NUP54: variants seen among roughly 807,000 people sequenced by gnomAD.
NUP54 encodes nucleoporin 54, also known as nucleoporin p54.
In NUP54, 27 loss-of-function variants were observed where a neutral mutation model predicts 66.4. That is an observed-to-expected ratio of 0.41 (90% CI 0.30 to 0.56). NUP54 has a LOEUF of 0.56. NUP54 is among the 20% of genes least tolerant of loss of function. NUP54 has a pLI of 0.34. For missense variants in NUP54, 486 were observed against 596.3 expected (o/e 0.82, Z 1.93); for synonymous variants, 206 against 210.7 (o/e 0.98, Z 0.19).
chr4:76,131,369 C>A, intron 6 of NUP54, 85 bp from the exon 7 acceptor site: 1 of 724,126 alleles, frequency 1.4e-6, no homozygotes, highest in South Asian at 1.9e-5. Context: ...AAAGCAAGAC[C>A]CTATACCTAG....
chr4:76,141,044 T>G (rs1443256444), intron 3 of NUP54, among the ~76,000 whole-genome samples: 1 of 152,202 alleles, frequency 6.6e-6, no homozygotes, highest in Non-Finnish European at 1.5e-5. Context: ...TGGAAAGGAC[T>G]TCTGGCGGTT....
intron 4 of NUP54, among the ~76,000 whole-genome samples, chr4:76,135,371 A>C (rs1407209782): frequency 6.6e-6 from 1 of 152,242 alleles, no homozygotes; most frequent in Non-Finnish European, 1.5e-5. Flanking sequence ...ACCATGTTAT[A>C]CACCAACTTT....
At chr4:76,131,078 C>G (rs907643831) in intron 7 of NUP54, 152 bp downstream of exon 7, 5 of 644,080 alleles carry the variant, frequency 7.8e-6, no homozygotes, top group Non-Finnish European at 5.5e-6. Flanking sequence ...TTGGCTGAAG[C>G]TTTAGCTGGA....
intron 10 of NUP54, 124 bp downstream of exon 10, chr4:76,117,951 A>T: frequency 2.7e-6 from 3 of 1,098,554 alleles, no homozygotes; most frequent in Non-Finnish European, 4.0e-6. Flanking sequence ...TTACTTTAGA[A>T]AGGAAGTTCT....
At chr4:76,121,919 C>A (rs965017714) in intron 9 of NUP54, among the ~76,000 whole-genome samples, 1 of 152,118 alleles carries the variant, frequency 6.6e-6, no homozygotes, top group Non-Finnish European at 1.5e-5. Context: ...AAAAATAGAT[C>A]ACTTAATCAT....
chr4:76,134,514 T>C (rs927608761), intron 4 of NUP54, 152 bp from the exon 5 acceptor site: 4 of 655,920 alleles, frequency 6.1e-6, no homozygotes, highest in Admixed American at 3.2e-5. Flanking sequence ...TTTTGTGCCC[T>C]AGGAGGTCAC....
chr4:76,148,163 G>A, intron 1 of NUP54, 145 bp downstream of exon 1: 1 of 636,486 alleles, frequency 1.6e-6, no homozygotes. Context: ...GGCCCACTCT[G>A]CCGCCGCCCG....
intron 8 of NUP54, among the ~76,000 whole-genome samples, chr4:76,128,605 C>G (rs960794551): frequency 6.6e-6 from 1 of 152,100 alleles, no homozygotes; most frequent in African/African-American, 2.4e-5. Flanking sequence ...CACTTTTTAT[C>G]AAAAGAAAGG....
chr4:76,144,864 G>A (rs1304079935), intron 1 of NUP54, among the ~76,000 whole-genome samples: 2 of 152,154 alleles, frequency 1.3e-5, no homozygotes, highest in African/African-American at 2.4e-5. Flanking sequence ...GAGTAAAGTA[G>A]ACTATGTGTT....
chr4:76,129,901 T>TA (rs1730716795), intron 8 of NUP54, among the ~76,000 whole-genome samples: 2 of 136,276 alleles, frequency 1.5e-5, no homozygotes, highest in Non-Finnish European at 3.1e-5. Context: ...TTAGCAAAGT[T>TA]AAAAGAATTG....
intron 9 of NUP54, 183 bp from the exon 10 acceptor site, chr4:76,118,377 A>C: frequency 3.4e-6 from 2 of 589,646 alleles, no homozygotes; most frequent in Non-Finnish European, 6.0e-6. Context: ...ATATAAATAC[A>C]ATGATATAGA....
At position 76,132,529 on chromosome 4, in the gene NUP54, G is replaced by A. The variant is rs774532856; in HGVS notation, c.901C>T (p.Pro301Ser). 1.3e-6 allele frequency: 2 copies of A among 1,586,750 alleles called. No homozygotes were observed. Among genetic ancestry groups the A allele is most frequent in the Non-Finnish European group, 8.6e-7 (1 of 1,166,692 alleles). Residue 301 changes from proline to serine, a missense_variant, in exon 6 of 12, where the codon CCT (proline) becomes TCT (serine). Physicochemically the swap from Pro to Ser is moderately conservative, Grantham distance 74. This residue lies in a region of NUP54 where 217 missense variants were observed against 247.9 expected (regional missense o/e 0.88). Coordinates refer to ENST00000264883, the MANE Select transcript of NUP54 (RefSeq NM_017426.4). ...AQIKQLLQNP[P>S]AGVDPIIWEQ... The stretch of plus-strand genomic sequence containing the variant: ...TGTGATTCTAGAAACATACCAGCAG[G>A]AGGATTCTGTAAAAGCTGTTTGATC...
In NUP54 at chr4:76,117,519, C is replaced by A. The variant is rs1730002661; in HGVS notation, c.1395+145G>T. ...ACACTGTTTTCCATAGAGGCTGAACCATTTTACATTCCCCCAACAGTGCAA... is the reference window on the plus strand; with the variant it reads ...ACACTGTTTTCCATAGAGGCTGAACAATTTTACATTCCCCCAACAGTGCAA... On this transcript the variant is annotated intron_variant, in intron 11 of 11. Coordinates refer to ENST00000264883, the MANE Select transcript of NUP54 (RefSeq NM_017426.4). 1.1e-5 allele frequency: 6 copies of A among 570,422 alleles called. No individual in the cohort carries two copies. The South Asian group carries it at 1.5e-4, about 14-fold the overall frequency. The allele number at this position is 570,422 out of a possible 1,614,324, so 35.3% of individuals were successfully genotyped here.
intron 8 of NUP54, among the ~76,000 whole-genome samples, chr4:76,126,284 C>G (rs939912137): frequency 1.3e-5 from 2 of 152,182 alleles, no homozygotes; most frequent in Non-Finnish European, 2.9e-5. Flanking sequence ...ATTAAAGCAT[C>G]CCAATCAGAA....
chr4:76,135,093 A>G (rs1027766686), intron 4 of NUP54, among the ~76,000 whole-genome samples: 3 of 152,144 alleles, frequency 2.0e-5, no homozygotes, highest in African/African-American at 4.8e-5. Context: ...TTAAATATAT[A>G]AAGAAGTAAT....
Position 76,131,290 on chromosome 4 carries a change from A to C in NUP54, c.908-6T>G, listed in dbSNP as rs2081628241. 4 of 1,552,802 alleles carry C rather than the reference A, an allele frequency of 2.6e-6. No individual in the cohort carries two copies. Among genetic ancestry groups the C allele is most frequent in the Non-Finnish European group, 3.5e-6 (4 of 1,139,958 alleles). On this transcript the variant is annotated splice_region_variant and splice_polypyrimidine_tract_variant and intron_variant, in intron 6 of 11. Coordinates refer to ENST00000264883, the MANE Select transcript of NUP54 (RefSeq NM_017426.4). Reference sequence around the variant, plus strand: ...CCAGATAATAGGATCAACACCTACCACAAATAAAAAATATTTTTTCTAAAA... The same window carrying C: ...CCAGATAATAGGATCAACACCTACCCCAAATAAAAAATATTTTTTCTAAAA...
At chr4:76,148,078 G>A (rs904577598) in intron 1 of NUP54, 1 of 420,732 alleles carries the variant, frequency 2.4e-6, no homozygotes, top group Admixed American at 4.2e-5. Flanking sequence ...CCAGGGCCCT[G>A]TGGAAACTCA....
chr4:76,125,663 GGGGAGAGA>G (rs1560678895), intron 8 of NUP54, among the ~76,000 whole-genome samples: 1 of 19,990 alleles, frequency 5.0e-5, no homozygotes, highest in African/African-American at 2.8e-4. Context: ...AGGGAGAGAG[GGGGAGAGA>G]GGGAGAGAGG....
At chr4:76,141,840 A>C (rs969149554) in intron 3 of NUP54, among the ~76,000 whole-genome samples, 15 of 152,204 alleles carry the variant, frequency 9.9e-5, no homozygotes, top group Non-Finnish European at 1.0e-4. Flanking sequence ...TCCAATTCAT[A>C]TCTATCTCTC....
Sources: gnomAD v4.1 joint callset for allele counts (sites outside exome capture counted in the v4.1 genomes callset) on GRCh38, gnomAD v4.1.1 for gene constraint, gnomAD v4.1.1 regional missense constraint, MANE v1.5 for transcripts, NCBI Gene and HGNC (gene_info 2026-07-23, HGNC 2026-07-21) for gene names.